The following ANK2 variants were observed in gnomAD, a reference collection of about 807,000 sequenced individuals.
The protein encoded by ANK2 is ankyrin-2.
In ANK2, 83 loss-of-function variants were observed where a neutral mutation model predicts 360.5. The observed-to-expected ratio is 0.23, with a 90% confidence interval of 0.19 to 0.28. The LOEUF (loss-of-function observed/expected upper bound fraction) is 0.28, where lower values mean the gene tolerates loss of function less well. ANK2 is among the 10% of genes least tolerant of loss of function. The pLI, the probability that ANK2 is intolerant of heterozygous loss-of-function variation, is 1.00. For synonymous variants in ANK2, 1,740 were observed against 1,759.5 expected (o/e 0.99, Z 0.28); for missense variants, 4,201 against 4,795.7 (o/e 0.88, Z 3.66).
intron 5 of ANK2, 63 bp from the exon 6 acceptor site, chr4:113,236,924 T>C (rs2099388252): frequency 6.5e-7 from 1 of 1,530,254 alleles, no homozygotes; most frequent in South Asian, 1.1e-5. Context: ...GCATCATTGC[T>C]TAGAACTAAA....
chr4:112,865,258 T>A (rs1359024245), intron 1 of ANK2, among the ~76,000 whole-genome samples: 1 of 152,054 alleles, frequency 6.6e-6, no homozygotes, highest in African/African-American at 2.4e-5. Flanking sequence ...GTCGGCAGTT[T>A]TAAAAACTGC....
intron 26 of ANK2, among the ~76,000 whole-genome samples, chr4:113,326,146 T>TA (rs1391254286): frequency 6.6e-6 from 1 of 152,208 alleles, no homozygotes; most frequent in Non-Finnish European, 1.5e-5. Context: ...CAATTTTTTT[T>TA]ATGCTTATTT....
intron 6 of ANK2, 64 bp from the exon 7 acceptor site, chr4:113,237,535 A>G: frequency 1.3e-6 from 2 of 1,496,418 alleles, no homozygotes; most frequent in Non-Finnish European, 9.3e-7. Context: ...GAGCAGATTG[A>G]CTGTTTCCAT....
intron 1 of ANK2, chr4:113,151,246 TGTC>T: frequency 2.6e-6 from 2 of 764,124 alleles, no homozygotes; most frequent in Non-Finnish European, 1.8e-6. Flanking sequence ...CATTACTTGT[TGTC>T]GTAGTTCATT....
intron 9 of ANK2, among the ~76,000 whole-genome samples, chr4:113,246,964 T>C (rs1424472112): frequency 6.6e-6 from 1 of 152,150 alleles, no homozygotes; most frequent in Admixed American, 6.5e-5. Flanking sequence ...AACTTTGTAA[T>C]CAGCAGAGCC....
intron 1 of ANK2, among the ~76,000 whole-genome samples, chr4:112,851,420 T>G (rs538981311): frequency 2.6e-4 from 40 of 152,134 alleles, no homozygotes; most frequent in African/African-American, 8.9e-4. Flanking sequence ...GGAGGAAACT[T>G]TGGGAGTGAG....
At chr4:112,905,929 T>C (rs982675007) in intron 2 of ANK2, among the ~76,000 whole-genome samples, 2 of 152,236 alleles carry the variant, frequency 1.3e-5, no homozygotes, top group African/African-American at 4.8e-5. Context: ...CCCACAGTGC[T>C]GGGATTATAG....
rs2074353608 is a variant in ANK2, at chr4:112,874,511, A to T, written c.-39-29944A>T. On this transcript the variant is annotated intron_variant, in intron 1 of 30. Coordinates refer to the ANK2 transcript ENST00000503271. ...CAAAAAATTAGCTGGGTGTGCTGGC[A>T]GGCGCCTGTAATCCCAGCTACTTGG... is the stretch of plus-strand genomic sequence containing the variant. Among the ~76,000 whole-genome samples, 3 of 150,962 alleles carry T rather than the reference A, an allele frequency of 2.0e-5. No individual in the cohort carries two copies. The South Asian group carries it at 6.4e-4, about 32-fold the overall frequency.
Position 113,264,938 on chromosome 4 carries a change from G to A in ANK2, c.1428G>A (p.Gln476=). 6.4e-7 allele frequency: 1 copy of A among 1,569,294 alleles called. No homozygotes were observed. Among genetic ancestry groups the A allele is most frequent in the Non-Finnish European group, 8.6e-7 (1 of 1,156,072 alleles). The change falls in exon 14 of 46, where the codon CAG becomes CAA. Residue 476 remains glutamine (Q), a synonymous_variant. Transcript: ENST00000357077. ...TALHMAARAG[Q]VEVVRCLLRN... ...TACACATGGCAGCCCGAGCCGGGCA[G>A]GTGGAAGTGGTCCGATGCCTCCTGA...
Position 113,367,683 on chromosome 4 carries a change from T to A in ANK2, c.11150T>A (p.Ile3717Asn), listed in dbSNP as rs747566497. 3.7e-6 allele frequency: 6 copies of A among 1,613,846 alleles called. No homozygotes were observed. The Admixed American group carries it at 5.0e-5, about 13-fold the overall frequency. ...CCTCCTATCGTCTCAGAGGAAGACA[T>A]TTCTGTTGGTTATTCCACTTTTCAG... ...DHPPIVSEEDISVGYSTFQDG... is the reference protein window; with the variant it reads ...DHPPIVSEEDNSVGYSTFQDG... Residue 3717 changes from isoleucine to asparagine, a missense_variant, in exon 42 of 46, where the codon ATT becomes AAT. By Grantham distance (149) the Ile-to-Asn change is moderately radical (BLOSUM62 -3). Around this residue, in one of 4 missense-constraint regions of ANK2, gnomAD observed 2,642 missense variants for 2,714.5 expected, o/e 0.97. Coordinates refer to ENST00000357077, the MANE Select transcript of ANK2 (RefSeq NM_001148.6).
the ANK2 span, among the ~76,000 whole-genome samples, chr4:112,812,600 G>A: frequency 6.6e-6 from 1 of 152,134 alleles, no homozygotes; most frequent in African/African-American, 2.4e-5. Flanking sequence ...AGCTTTTGAG[G>A]TGCTCAAATG....
Position 113,276,003 on chromosome 4 carries a change from G to A in ANK2, c.1683+1354G>A, listed in dbSNP as rs377718306. Among the ~76,000 whole-genome samples the A allele has an allele frequency of 4.9e-3, 708 of 144,836 alleles. 5 individuals carry two copies. Among genetic ancestry groups the A allele is most frequent in the African/African-American group, 0.017 (667 of 38,652 alleles). On this transcript the variant is annotated intron_variant, in intron 15 of 45. Coordinates refer to ENST00000357077, the MANE Select transcript of ANK2 (RefSeq NM_001148.6). ...GTCGCCCAGGCTGGAGTACAGTGGTGCGATCTTGGCTCACTGCAACCTCTG... is the reference window on the plus strand; with the variant it reads ...GTCGCCCAGGCTGGAGTACAGTGGTACGATCTTGGCTCACTGCAACCTCTG...
chr4:113,095,256 C>T (rs2090490460), intron 1 of ANK2, among the ~76,000 whole-genome samples: 2 of 152,114 alleles, frequency 1.3e-5, no homozygotes, highest in Non-Finnish European at 2.9e-5. Context: ...CTAGAAGAGA[C>T]TTTTTTAGGC....
At chr4:113,227,064 A>T (rs1385060659) in intron 4 of ANK2, among the ~76,000 whole-genome samples, 1 of 152,210 alleles carries the variant, frequency 6.6e-6, no homozygotes, top group Non-Finnish European at 1.5e-5. Context: ...ATATGTGATG[A>T]TAAATGCTTT....
chr4:113,256,141 A>AC (rs2049198185), intron 11 of ANK2, among the ~76,000 whole-genome samples: 1 of 152,250 alleles, frequency 6.6e-6, no homozygotes, highest in South Asian at 2.1e-4. Context: ...TTAAGAGAAC[A>AC]CCAATGTAAC....
intron 4 of ANK2, among the ~76,000 whole-genome samples, chr4:113,209,613 A>G (rs2098997743): frequency 6.6e-6 from 1 of 152,028 alleles, no homozygotes; most frequent in Admixed American, 6.5e-5. Context: ...AGGATCAGGC[A>G]GCTCATGCTT....
At chr4:112,924,837 CTTT>C (rs199974647) in intron 2 of ANK2, among the ~76,000 whole-genome samples, 1,570 of 131,932 alleles carry the variant, frequency 0.012, 14 homozygotes, top group African/African-American at 0.041. Flanking sequence ...ATATTTATTA[CTTT>C]TTTTTTTTTT....
At chr4:112,905,506 G>A (rs1249165396) in intron 2 of ANK2, among the ~76,000 whole-genome samples, 2 of 151,966 alleles carry the variant, frequency 1.3e-5, no homozygotes, top group Non-Finnish European at 2.9e-5. Flanking sequence ...AAAGGAGTGG[G>A]GAATAACTTA....
In ANK2 at chr4:113,354,030, G is replaced by C. The variant is rs2095579101; in HGVS notation, c.5412G>C (p.Arg1804Ser). The change falls in exon 38 of 46, where the codon AGG (arginine) becomes AGC (serine). Residue 1804 changes from arginine (R) to serine (S), a missense_variant. Transcript: ENST00000357077. ...ACGTGCCAAAAAAGACCACCCACAG[G>C]CCACATCCAGCTGCGTCACCCTCTC... ...KEDVPKKTTH[R>S]PHPAASPSLK... 1 of 1,613,888 alleles carries C rather than the reference G, an allele frequency of 6.2e-7. No homozygotes were observed. Among genetic ancestry groups the C allele is most frequent in the African/African-American group, 1.3e-5 (1 of 74,896 alleles).
Sources: gnomAD v4.1 joint callset for allele counts (sites outside exome capture counted in the v4.1 genomes callset) on GRCh38, gnomAD v4.1.1 for gene constraint, gnomAD v4.1.1 regional missense constraint, MANE v1.5 for transcripts, NCBI Gene and HGNC (gene_info 2026-07-23, HGNC 2026-07-21) for gene names.